Variants in ZCCHC7 observed in about 807,000 individuals in gnomAD.
The protein encoded by ZCCHC7 is zinc finger CCHC domain-containing protein 7.
Under a neutral mutation model 52.0 loss-of-function variants are expected in ZCCHC7, and 35 were observed. That is an observed-to-expected ratio of 0.67 (90% CI 0.51 to 0.89). ZCCHC7 has a LOEUF of 0.89. ZCCHC7 is among the 40% of genes least tolerant of loss of function. The pLI is 0.00. For missense variants in ZCCHC7, 574 were observed against 649.1 expected (o/e 0.88, Z 1.26); for synonymous variants, 217 against 221.5 (o/e 0.98, Z 0.18).
intron 1 of ZCCHC7, among the ~76,000 whole-genome samples, chr9:37,125,015 C>A (rs1842482578): frequency 6.6e-6 from 1 of 152,134 alleles, no homozygotes; most frequent in Non-Finnish European, 1.5e-5. Flanking sequence ...CCACACCCAG[C>A]TGATTTCTTT....
chr9:37,251,221 A>G (rs1041999462), intron 2 of ZCCHC7, among the ~76,000 whole-genome samples: 3 of 152,044 alleles, frequency 2.0e-5, no homozygotes, highest in Admixed American at 6.6e-5. Context: ...TTTTTCAGCA[A>G]TCTTTCCTGT....
intron 5 of ZCCHC7, among the ~76,000 whole-genome samples, chr9:37,313,649 A>G (rs1168708056): frequency 6.6e-6 from 1 of 152,138 alleles, no homozygotes; most frequent in African/African-American, 2.4e-5. Context: ...ATGGGGGCAG[A>G]TTTCCCCCAT....
At chr9:37,318,119 TAATG>T (rs1283378731) in intron 5 of ZCCHC7, among the ~76,000 whole-genome samples, 5 of 151,930 alleles carry the variant, frequency 3.3e-5, no homozygotes, top group East Asian at 1.9e-4. Context: ...TTGTTAATAA[TAATG>T]AATACTAGAT....
intron 2 of ZCCHC7, among the ~76,000 whole-genome samples, chr9:37,241,260 C>T (rs1028935505): frequency 6.6e-6 from 1 of 151,594 alleles, no homozygotes; most frequent in African/African-American, 2.4e-5. Context: ...TGGTATTGAC[C>T]TGGGTAATGA....
In ZCCHC7 at chr9:37,216,871, A is replaced by G. The variant is rs1041373273; in HGVS notation, c.611-85317A>G. Among the ~76,000 whole-genome samples the G allele has an allele frequency of 2.0e-5, 3 of 152,138 alleles. No individual in the cohort carries two copies. The East Asian group carries it at 5.8e-4, about 29-fold the overall frequency. On this transcript the variant is annotated intron_variant, in intron 2 of 8. Coordinates refer to ENST00000336755, the MANE Select transcript of ZCCHC7 (RefSeq NM_032226.3). ...GTTATGAAAGCCTCTTATTTTTAAA[A>G]TGTTCTTAAGTAGTTTTGACTCTGT...
chr9:37,142,604 T>G (rs1218287927), intron 2 of ZCCHC7, among the ~76,000 whole-genome samples: 3 of 151,828 alleles, frequency 2.0e-5, no homozygotes, highest in Admixed American at 2.0e-4. Flanking sequence ...AGTTTCAAAC[T>G]AAGAAGAAAA....
intron 2 of ZCCHC7, among the ~76,000 whole-genome samples, chr9:37,189,030 T>C (rs1212491780): frequency 1.6e-5 from 2 of 126,132 alleles, no homozygotes; most frequent in Admixed American, 1.7e-4. Context: ...ATATTTTCTA[T>C]AAATCTGTCA....
At position 37,313,751 on chromosome 9, in the gene ZCCHC7, A is replaced by G. The variant is rs116635878; in HGVS notation, c.951+8037A>G. ...CATTTGCTCTCTTTCTCTCCTGCCAACGTGAAGGTGCTTGCTTCCCCTTCA... is the reference window on the plus strand; with the variant it reads ...CATTTGCTCTCTTTCTCTCCTGCCAGCGTGAAGGTGCTTGCTTCCCCTTCA... On this transcript the variant is annotated intron_variant, in intron 5 of 8. Coordinates refer to ENST00000336755, the MANE Select transcript of ZCCHC7 (RefSeq NM_032226.3). 6.6e-4 allele frequency among the ~76,000 whole-genome samples: 101 copies of G among 152,266 alleles called. 1 individual carries two copies. The highest frequency in any genetic ancestry group is 2.3e-3 in the African/African-American group (96 of 41,548).
chr9:37,167,268 T>G (rs1821476022), intron 2 of ZCCHC7, among the ~76,000 whole-genome samples: 1 of 151,904 alleles, frequency 6.6e-6, no homozygotes, highest in Non-Finnish European at 1.5e-5. Flanking sequence ...CCTTTTTTTT[T>G]TTTTCTTTTT....
At chr9:37,235,811 A>G (rs1451233329) in intron 2 of ZCCHC7, among the ~76,000 whole-genome samples, 1 of 150,762 alleles carries the variant, frequency 6.6e-6, no homozygotes, top group East Asian at 2.0e-4. Context: ...GATGGTCTCC[A>G]TCTCCTGACC....
At chr9:37,345,127 T>A (rs1427923502) in intron 6 of ZCCHC7, among the ~76,000 whole-genome samples, 1 of 152,238 alleles carries the variant, frequency 6.6e-6, no homozygotes, top group Admixed American at 6.5e-5. Context: ...TGCCAACAAC[T>A]TCCTATTTGC....
chr9:37,135,800 G>A (rs900754524), intron 2 of ZCCHC7, among the ~76,000 whole-genome samples: 10 of 152,158 alleles, frequency 6.6e-5, no homozygotes, highest in Admixed American at 5.9e-4. Flanking sequence ...ATGGCAGAAA[G>A]TGTTTTAACT....
chr9:37,126,684 G>A lies in ZCCHC7; in HGVS notation c.352G>A (p.Gly118Ser), dbSNP rs1206075163. ...VRVQAQENAH[G>S]LSSSLQSNEL... Reference sequence around the variant, plus strand: ...AGTTCAAGCACAAGAAAATGCCCATGGTCTTTCTTCTTCTCTTCAATCTAA... The same window carrying A: ...AGTTCAAGCACAAGAAAATGCCCATAGTCTTTCTTCTTCTCTTCAATCTAA... The change falls in exon 2 of 9, where the codon GGT becomes AGT. Residue 118 changes from glycine (G) to serine (S), a missense_variant. This residue lies in a region of ZCCHC7 where 403 missense variants were observed against 461.2 expected (regional missense o/e 0.87). Transcript: ENST00000336755. The A allele has an allele frequency of 6.2e-7, 1 of 1,613,952 alleles. No individual in the cohort carries two copies. The highest frequency in any genetic ancestry group is 8.5e-7 in the Non-Finnish European group (1 of 1,180,016).
intron 2 of ZCCHC7, among the ~76,000 whole-genome samples, chr9:37,204,790 G>C (rs1183147520): frequency 1.3e-5 from 2 of 152,118 alleles, no homozygotes; most frequent in African/African-American, 4.8e-5. Flanking sequence ...GGTTATGTGG[G>C]CTCTTTTTTT....
chr9:37,229,490 G>T (rs1383280815), intron 2 of ZCCHC7, among the ~76,000 whole-genome samples: 1 of 152,122 alleles, frequency 6.6e-6, no homozygotes, highest in Non-Finnish European at 1.5e-5. Context: ...AACTTGTACG[G>T]CATGTTATTG....
chr9:37,321,171 G>T (rs1353101524), intron 5 of ZCCHC7, among the ~76,000 whole-genome samples: 1 of 151,682 alleles, frequency 6.6e-6, no homozygotes, highest in African/African-American at 2.4e-5. Flanking sequence ...TGTATTTTTA[G>T]TAGATATGGG....
In ZCCHC7 at chr9:37,357,197, A is replaced by C. The variant is rs1260302545; in HGVS notation, c.1561A>C (p.Lys521Gln). 2 of 1,613,516 alleles carry C rather than the reference A, an allele frequency of 1.2e-6. No homozygotes were observed. Among genetic ancestry groups the C allele is most frequent in the Admixed American group, 3.3e-5 (2 of 59,938 alleles). ...AGGCAAGAGGGGCAAGCAGAAGAAA[A>C]AGGAGAGGTGCTGGGAAGATGATGA... ...KEGKRGKQKK[K>Q]ERCWEDDDND... The change falls in exon 9 of 9, where the codon AAG (lysine) becomes CAG (glutamine). Residue 521 changes from lysine (K) to glutamine (Q), a missense_variant. Around this residue, in one of 3 missense-constraint regions of ZCCHC7, gnomAD observed 168 missense variants for 171.6 expected, o/e 0.98. Coordinates refer to ENST00000336755, the MANE Select transcript of ZCCHC7 (RefSeq NM_032226.3).
At chr9:37,219,067 A>G (rs77706758) in intron 2 of ZCCHC7, among the ~76,000 whole-genome samples, 3,472 of 151,946 alleles carry the variant, frequency 0.023, 69 homozygotes, top group Non-Finnish European at 0.034. Flanking sequence ...CATCCCCCCT[A>G]AAAAAGAAAA....
chr9:37,133,643 C>T (rs370736031), intron 2 of ZCCHC7, among the ~76,000 whole-genome samples: 45 of 152,086 alleles, frequency 3.0e-4, no homozygotes, highest in Non-Finnish European at 6.2e-4. Context: ...GCCTGGAGTG[C>T]GGTGGCGTTA....
Sources: gnomAD v4.1 joint callset for allele counts (sites outside exome capture counted in the v4.1 genomes callset) on GRCh38, gnomAD v4.1.1 for gene constraint, gnomAD v4.1.1 regional missense constraint, MANE v1.5 for transcripts, NCBI Gene and HGNC (gene_info 2026-07-23, HGNC 2026-07-21) for gene names.